DDHD2: variants seen among roughly 807,000 people sequenced by gnomAD.
DDHD2 encodes DDHD domain containing 2, also known as triacylglycerol hydrolase DDHD2.
Under a neutral mutation model 91.2 loss-of-function variants are expected in DDHD2, and 62 were observed. The observed-to-expected ratio is 0.68, with a 90% CI of 0.55 to 0.84. The LOEUF (loss-of-function observed/expected upper bound fraction) is 0.84, where lower values mean the gene tolerates loss of function less well. Ranked by LOEUF, DDHD2 falls within the 40% of genes least tolerant of loss-of-function variation. The pLI is 0.00. For synonymous variants in DDHD2, 271 were observed against 293.9 expected (o/e 0.92, Z 0.80); for missense variants, 740 against 846.9 (o/e 0.87, Z 1.57).
chr8:38,272,656 CAT>C (rs1458138807), downstream of DDHD2: 3 of 152,224 alleles, frequency 2.0e-5, no homozygotes, highest in South Asian at 2.1e-4. Flanking sequence ...AACAAATTAA[CAT>C]GTGGTTAAAA....
chr8:38,267,320 T>A (rs766114432), downstream of DDHD2: 5 of 1,613,830 alleles, frequency 3.1e-6, no homozygotes, highest in South Asian at 3.3e-5. Context: ...CACGTCCTTA[T>A]CCCCTGTACA....
At chr8:38,265,214 C>T (rs192061809), downstream of DDHD2, 2,453 of 339,940 alleles carry the variant, frequency 7.2e-3, 35 homozygotes, top group Middle Eastern at 0.016. Flanking sequence ...TGCAGTGAGC[C>T]GAGATGGTGC....
chr8:38,272,525 C>G (rs1388475289), downstream of DDHD2: 1 of 152,286 alleles, frequency 6.6e-6, no homozygotes, highest in Non-Finnish European at 1.5e-5. Flanking sequence ...GGCGGTCCAG[C>G]CCCTCCCTCC....
intron 1 of DDHD2, among the ~76,000 whole-genome samples, chr8:38,269,475 A>G (rs1345111529): frequency 1.3e-5 from 2 of 151,952 alleles, no homozygotes; most frequent in African/African-American, 4.8e-5. Context: ...CCACGGCCCA[A>G]CCACACCACC....
chr8:38,232,267 G>C (rs1412224261), intron 1 of DDHD2: 1 of 152,424 alleles, frequency 6.6e-6, no homozygotes, highest in African/African-American at 2.4e-5. Flanking sequence ...TCCTTCTGGT[G>C]CCTGCGGCGC....
At chr8:38,272,937 A>G (rs1172865980), downstream of DDHD2, 2 of 152,248 alleles carry the variant, frequency 1.3e-5, no homozygotes, top group Non-Finnish European at 2.9e-5. Flanking sequence ...CATTGACGCT[A>G]TGGAGGTGTG....
At chr8:38,232,852 CTT>C in intron 1 of DDHD2, 133 bp from the exon 2 acceptor site, 1 of 636,946 alleles carries the variant, frequency 1.6e-6, no homozygotes, top group Non-Finnish European at 2.7e-6. Context: ...TGTTATTTCT[CTT>C]TTAAATTATG....
At chr8:38,249,968 G>A in intron 11 of DDHD2, 165 bp downstream of exon 11, 1 of 399,042 alleles carries the variant, frequency 2.5e-6, no homozygotes. Context: ...TCAGGCTGGA[G>A]TGCAGTGGTG....
chr8:38,265,187 A>G (rs1050268510), downstream of DDHD2: 7 of 410,360 alleles, frequency 1.7e-5, no homozygotes, highest in Non-Finnish European at 2.6e-5. Context: ...ACTTGCTTGA[A>G]CCCAGGAGGT....
chr8:38,236,452 T>A (rs1804760408), intron 3 of DDHD2, among the ~76,000 whole-genome samples: 4 of 152,076 alleles, frequency 2.6e-5, no homozygotes, highest in Admixed American at 2.6e-4. Context: ...CATCCTGGGT[T>A]CAAGCACTTT....
downstream of DDHD2, chr8:38,267,388 T>G (rs1807802532): frequency 1.2e-6 from 2 of 1,613,210 alleles, no homozygotes. Flanking sequence ...AATCTGGGCG[T>G]GGCCTGGAAG....
intron 3 of DDHD2, among the ~76,000 whole-genome samples, chr8:38,234,800 C>A (rs1302153782): frequency 6.7e-6 from 1 of 149,630 alleles, no homozygotes; most frequent in African/African-American, 2.5e-5. Context: ...CGGAGTCTCG[C>A]TCTGTTGCCC....
chr8:38,251,821 T>C (rs1298967471), intron 11 of DDHD2, 91 bp from the exon 12 acceptor site: 1 of 840,276 alleles, frequency 1.2e-6, no homozygotes, highest in Non-Finnish European at 2.0e-6. Context: ...CAATCCTACC[T>C]ACCTACCTAC....
At chr8:38,252,628 C>T (rs1450318951) in intron 13 of DDHD2, 94 bp from the exon 14 acceptor site, 8 of 857,288 alleles carry the variant, frequency 9.3e-6, no homozygotes, top group South Asian at 1.8e-5. Flanking sequence ...GGTGACAGAG[C>T]GAGACCTCAT....
chr8:38,255,994 A>G (rs1375496447), intron 16 of DDHD2, among the ~76,000 whole-genome samples: 1 of 152,246 alleles, frequency 6.6e-6, no homozygotes, highest in African/African-American at 2.4e-5. Flanking sequence ...AACAGTTTTA[A>G]TATTTTTAAA....
chr8:38,256,430 C>T lies in DDHD2; in HGVS notation c.2054+2712C>T, dbSNP rs1186794602. On this transcript the variant is annotated intron_variant, in intron 16 of 17. Transcript: ENST00000397166. ...GATCCTCTTAGGCTCAAGGGATCCT[C>T]CCATCTCAGCCTCCCAAGAAGCTGG... Among the ~76,000 whole-genome samples, 3 of 152,052 alleles carry T rather than the reference C, an allele frequency of 2.0e-5. No homozygotes were observed. In the East Asian group the frequency reaches 5.8e-4, roughly 29 times the overall value.
intron 16 of DDHD2, among the ~76,000 whole-genome samples, chr8:38,256,579 C>A (rs962581070): frequency 1.3e-5 from 2 of 152,116 alleles, no homozygotes; most frequent in East Asian, 1.9e-4. Flanking sequence ...TGCTTTGGCC[C>A]CCCAAGCTGT....
downstream of DDHD2, chr8:38,267,658 A>G (rs1176940056): frequency 1.3e-5 from 8 of 619,472 alleles, no homozygotes; most frequent in Non-Finnish European, 2.2e-5. Flanking sequence ...GCTCAAGAGG[A>G]CACTGACCGA....
rs1198797024 is a variant in DDHD2, at chr8:38,261,110, ATTTC to A, written c.*544_*547del. On this transcript the variant is annotated 3_prime_UTR_variant, in exon 18 of 18. Transcript: ENST00000397166. ...TTGGGTGATTTATTTTTGAACCTGC[ATTTC>A]TTTCTTATGTGTAGTGTATGAAGAA... 1 of 152,186 alleles carries A rather than the reference ATTTC, an allele frequency of 6.6e-6. No individual in the cohort carries two copies. The highest frequency in any genetic ancestry group is 2.4e-5 in the African/African-American group (1 of 41,454). 9.4% of individuals were successfully genotyped at this position (152,186 alleles called of 1,614,324 possible).
Sources: allele counts gnomAD v4.1 joint callset (sites outside exome capture counted in the v4.1 genomes callset), GRCh38; gene constraint gnomAD v4.1.1; transcripts MANE v1.5; gene names NCBI Gene and HGNC (gene_info 2026-07-23, HGNC 2026-07-21).